Variants in SIPA1L1 observed in about 807,000 individuals in gnomAD.
SIPA1L1 encodes the protein signal-induced proliferation-associated 1-like protein 1.
Under a neutral mutation model 162.7 loss-of-function variants are expected in SIPA1L1, and 26 were observed. The ratio of observed to expected loss-of-function variants is 0.16; its 90% CI spans 0.12 to 0.22. The LOEUF (loss-of-function observed/expected upper bound fraction) is 0.22, where lower values mean the gene tolerates loss of function less well. Among genes scored for constraint, SIPA1L1 ranks in the 10% least tolerant of loss-of-function variants. The pLI is 1.00. For synonymous variants in SIPA1L1, 829 were observed against 837.4 expected (o/e 0.99, Z 0.17); for missense variants, 1,874 against 2,241.0 (o/e 0.84, Z 3.31).
At chr14:71,670,817 T>A (rs2044439584) in intron 10 of SIPA1L1, among the ~76,000 whole-genome samples, 1 of 151,854 alleles carries the variant, frequency 6.6e-6, no homozygotes, top group African/African-American at 2.4e-5. Flanking sequence ...AGTAAACCTA[T>A]TTTTTTTCAT....
chr14:71,323,164 T>C (rs1254135403), intron 2 of SIPA1L1, among the ~76,000 whole-genome samples: 2 of 152,218 alleles, frequency 1.3e-5, no homozygotes, highest in African/African-American at 4.8e-5. Context: ...TTTAGGAACT[T>C]TTAAAAAACA....
intron 5 of SIPA1L1, among the ~76,000 whole-genome samples, chr14:71,594,207 C>CTT (rs1471106090): frequency 6.6e-6 from 1 of 152,112 alleles, no homozygotes; most frequent in Non-Finnish European, 1.5e-5. Flanking sequence ...TTTAGAATAC[C>CTT]ACACTTATCT....
intron 5 of SIPA1L1, 38 bp from the exon 6 acceptor site, chr14:71,618,719 T>G (rs754402539): frequency 3.1e-6 from 5 of 1,596,806 alleles, no homozygotes; most frequent in Non-Finnish European, 3.4e-6. Context: ...AAGTGTTAGG[T>G]AGATTTTCTA....
chr14:71,423,988 A>G (rs1236014368), intron 2 of SIPA1L1, among the ~76,000 whole-genome samples: 1 of 152,038 alleles, frequency 6.6e-6, no homozygotes, highest in African/African-American at 2.4e-5. Context: ...AGTGTTTTGT[A>G]GTTTTCATTG....
At position 71,671,003 on chromosome 14, in the gene SIPA1L1, A is replaced by G. The variant is rs559028111; in HGVS notation, c.2256-116A>G. On this transcript the variant is annotated intron_variant, in intron 10 of 23. Transcript: ENST00000381232. ...AAATGTGTGTTGTTTCTCATGGAAAAATAAGCAGCTATTTTGTATCTGAGG... is the reference window on the plus strand; with the variant it reads ...AAATGTGTGTTGTTTCTCATGGAAAGATAAGCAGCTATTTTGTATCTGAGG... 4.0e-5 allele frequency: 32 copies of G among 798,672 alleles called. 1 individual carries two copies. In the South Asian group the frequency reaches 6.0e-4, roughly 15 times the overall value. The allele number at this position is 798,672 out of a possible 1,614,324, so 49.5% of individuals were successfully genotyped here.
intron 19 of SIPA1L1, 126 bp from the exon 20 acceptor site, chr14:71,729,929 C>A: frequency 2.9e-6 from 3 of 1,019,804 alleles, no homozygotes; most frequent in South Asian, 1.6e-5. Flanking sequence ...AGACAATGAG[C>A]CCTGAAGCTT....
At chr14:71,472,263 C>T (rs925213058) in intron 2 of SIPA1L1, among the ~76,000 whole-genome samples, 15 of 151,110 alleles carry the variant, frequency 9.9e-5, no homozygotes, top group African/African-American at 1.5e-4. Flanking sequence ...GTTGTAATTG[C>T]GTAATTAAAA....
rs146434601 is a variant in SIPA1L1 at position 71,739,207 on chromosome 14, T to C, written c.*46T>C. 4,175 of 1,554,714 alleles carry C rather than the reference T, an allele frequency of 2.7e-3. 7 individuals are homozygous for C. Among genetic ancestry groups the C allele is most frequent in the Non-Finnish European group, 3.3e-3 (3,827 of 1,142,780 alleles). ...AGAAGGGCCCAGACACTCCCTCCAG[T>C]GAGTGTCCTGCAGCCCTTATTCCCT... On this transcript the variant is annotated 3_prime_UTR_variant, in exon 24 of 24. Coordinates refer to ENST00000381232, the MANE Select transcript of SIPA1L1 (RefSeq NM_001386936.1).
At chr14:71,554,783 G>A (rs766285166) in intron 4 of SIPA1L1, among the ~76,000 whole-genome samples, 79 of 152,128 alleles carry the variant, frequency 5.2e-4, no homozygotes, top group Non-Finnish European at 8.5e-4. Context: ...GAGCATTTAG[G>A]TTGTTTATAG....
intron 17 of SIPA1L1, among the ~76,000 whole-genome samples, chr14:71,716,750 G>A (rs982972882): frequency 1.3e-5 from 2 of 152,152 alleles, no homozygotes; most frequent in Non-Finnish European, 2.9e-5. Flanking sequence ...TTTGCAGATT[G>A]GTCATCTAGC....
At chr14:71,556,805 A>G (rs1241866582) in intron 4 of SIPA1L1, among the ~76,000 whole-genome samples, 1 of 152,260 alleles carries the variant, frequency 6.6e-6, no homozygotes, top group African/African-American at 2.4e-5. Flanking sequence ...AACCGTGTAG[A>G]AATGTGATTG....
chr14:71,667,661 T>C (rs750124994), intron 10 of SIPA1L1, among the ~76,000 whole-genome samples: 2 of 152,226 alleles, frequency 1.3e-5, no homozygotes, highest in Non-Finnish European at 2.9e-5. Flanking sequence ...CTGTATCACC[T>C]TCCTTTTAAA....
chr14:71,590,513 A>G (rs1217332046), intron 5 of SIPA1L1, among the ~76,000 whole-genome samples: 2 of 152,174 alleles, frequency 1.3e-5, no homozygotes, highest in Admixed American at 6.5e-5. Flanking sequence ...CTTTATAACA[A>G]TTGCTTTAGA....
chr14:71,538,963 G>A (rs1321821034), intron 4 of SIPA1L1, among the ~76,000 whole-genome samples: 2 of 152,232 alleles, frequency 1.3e-5, no homozygotes, highest in African/African-American at 2.4e-5. Context: ...ATACAGGGTT[G>A]CTTTCAAATC....
At chr14:71,505,383 G>T (rs925962052) in intron 2 of SIPA1L1, among the ~76,000 whole-genome samples, 2 of 147,752 alleles carry the variant, frequency 1.4e-5, no homozygotes, top group African/African-American at 5.0e-5. Context: ...TACCGTTACT[G>T]CTGTCTAACA....
chr14:71,502,182 G>T (rs2050275303), intron 2 of SIPA1L1, among the ~76,000 whole-genome samples: 1 of 140,608 alleles, frequency 7.1e-6, no homozygotes, highest in Non-Finnish European at 1.5e-5. Flanking sequence ...TTACCTTCAT[G>T]GACTGATGCT....
chr14:71,339,763 C>T (rs1025378275), intron 2 of SIPA1L1, among the ~76,000 whole-genome samples: 2 of 152,156 alleles, frequency 1.3e-5, no homozygotes, highest in African/African-American at 4.8e-5. Context: ...TTTGTTGCTT[C>T]CTGGTAATTA....
chr14:71,697,001 G>T (rs1190595965), intron 13 of SIPA1L1, among the ~76,000 whole-genome samples: 2 of 152,190 alleles, frequency 1.3e-5, no homozygotes, highest in Non-Finnish European at 2.9e-5. Flanking sequence ...TAGGGTGTGT[G>T]GAGCCATTAA....
At chr14:71,430,007 A>G (rs1302492765) in intron 2 of SIPA1L1, among the ~76,000 whole-genome samples, 1 of 152,192 alleles carries the variant, frequency 6.6e-6, no homozygotes, top group Non-Finnish European at 1.5e-5. Flanking sequence ...GCTAGGTGTG[A>G]GGGTTGTCTT....
Sources: allele counts gnomAD v4.1 joint callset (sites outside exome capture counted in the v4.1 genomes callset), GRCh38; gene constraint gnomAD v4.1.1; transcripts MANE v1.5; gene names NCBI Gene and HGNC (gene_info 2026-07-23, HGNC 2026-07-21).